WWOX: variants seen among roughly 807,000 people sequenced by gnomAD.
WWOX encodes WW domain containing oxidoreductase, also known as WW domain-containing oxidoreductase.
A neutral mutation model predicts 46.2 loss-of-function variants in WWOX; 69 were observed. The observed-to-expected ratio is 1.49, with a 90% CI of 1.23 to 1.82. The LOEUF is 1.82. Among genes scored for constraint, WWOX ranks in the 40% most tolerant of loss-of-function variants. The pLI is 0.00. For synonymous variants in WWOX, 359 were observed against 202.6 expected, an observed-to-expected ratio of 1.77 and a Z score of -6.56; for missense variants, 919 against 542.6, an observed-to-expected ratio of 1.69 and a Z score of -6.89.
At chr16:78,840,442 G>C (rs1278444756) in intron 8 of WWOX, among the ~76,000 whole-genome samples, 1 of 152,196 alleles carries the variant, frequency 6.6e-6, no homozygotes, top group Non-Finnish European at 1.5e-5. Flanking sequence ...CTGCAGCACA[G>C]TTACAATGAA....
chr16:79,051,179 T>A (rs899802603), intron 8 of WWOX, among the ~76,000 whole-genome samples: 1 of 152,172 alleles, frequency 6.6e-6, no homozygotes, highest in Admixed American at 6.5e-5. Context: ...AGTTGGAGCC[T>A]GTTGGGAGAA....
chr16:78,968,057 C>G (rs1402820863), intron 8 of WWOX, among the ~76,000 whole-genome samples: 1 of 152,036 alleles, frequency 6.6e-6, no homozygotes, highest in Non-Finnish European at 1.5e-5. Flanking sequence ...GTCTGCATGG[C>G]ACAGTGTGTG....
intron 8 of WWOX, among the ~76,000 whole-genome samples, chr16:79,010,837 G>T (rs1017241352): frequency 1.8e-4 from 27 of 151,908 alleles, no homozygotes; most frequent in Admixed American, 6.6e-5. Flanking sequence ...TTCAGTGACA[G>T]TCTGGTGGCC....
At chr16:79,117,536 A>T (rs1203948273) in intron 8 of WWOX, among the ~76,000 whole-genome samples, 1 of 152,232 alleles carries the variant, frequency 6.6e-6, no homozygotes, top group Non-Finnish European at 1.5e-5. Context: ...AGCAGGGAAG[A>T]GAGTCAGCCT....
intron 8 of WWOX, among the ~76,000 whole-genome samples, chr16:78,843,437 C>T (rs2052213893): frequency 6.7e-6 from 1 of 149,876 alleles, no homozygotes; most frequent in African/African-American, 2.4e-5. Flanking sequence ...GATGCGAATG[C>T]CCAGCTCAGG....
chr16:78,836,419 C>T (rs1567594173), intron 8 of WWOX, among the ~76,000 whole-genome samples: 1 of 152,196 alleles, frequency 6.6e-6, no homozygotes, highest in Admixed American at 6.5e-5. Context: ...TCTCCTGAAA[C>T]TTATTCCCGC....
intron 8 of WWOX, among the ~76,000 whole-genome samples, chr16:78,777,626 T>TTGC (rs1364915475): frequency 6.6e-6 from 1 of 152,078 alleles, no homozygotes; most frequent in Admixed American, 6.6e-5. Flanking sequence ...AAGCTAATTT[T>TTGC]TGCAATAGTC....
At chr16:78,833,459 A>G (rs1024935513) in intron 8 of WWOX, among the ~76,000 whole-genome samples, 11 of 151,194 alleles carry the variant, frequency 7.3e-5, no homozygotes, top group African/African-American at 2.4e-4. Flanking sequence ...CCTGCTTTCT[A>G]TTCTCCTTCC....
intron 5 of WWOX, among the ~76,000 whole-genome samples, chr16:78,218,362 C>T (rs1428098653): frequency 6.6e-6 from 1 of 152,076 alleles, no homozygotes; most frequent in Non-Finnish European, 1.5e-5. Context: ...GCTGGGATTA[C>T]AAGCCTGAGC....
At chr16:78,877,595 T>C (rs1474630963) in intron 8 of WWOX, among the ~76,000 whole-genome samples, 5 of 152,208 alleles carry the variant, frequency 3.3e-5, no homozygotes, top group Non-Finnish European at 5.9e-5. Flanking sequence ...TTATATCACA[T>C]AGATACAGAC....
chr16:79,197,023 A>G (rs1359010822), intron 8 of WWOX, among the ~76,000 whole-genome samples: 2 of 152,188 alleles, frequency 1.3e-5, no homozygotes, highest in Non-Finnish European at 2.9e-5. Flanking sequence ...CAACGTTTCT[A>G]GAATGATATT....
At chr16:78,336,932 C>T (rs1257555353) in intron 5 of WWOX, among the ~76,000 whole-genome samples, 1 of 152,054 alleles carries the variant, frequency 6.6e-6, no homozygotes, top group African/African-American at 2.4e-5. Flanking sequence ...GCGCCCGCCA[C>T]CATGCCCGGC....
intron 8 of WWOX, among the ~76,000 whole-genome samples, chr16:78,881,306 G>C (rs539492510): frequency 1.3e-5 from 2 of 152,104 alleles, no homozygotes; most frequent in Admixed American, 1.3e-4. Context: ...GCCTGGCCCT[G>C]GTAAAATTTT....
chr16:78,909,509 C>T lies in WWOX; in HGVS notation c.1057-302099C>T, dbSNP rs188397157. Reference sequence around the variant, plus strand: ...CCTGAAAAGTGTGCACGGTTGGCCTCCTCTAGGTCCCACGTGCCTTCTGGA... The same window carrying T: ...CCTGAAAAGTGTGCACGGTTGGCCTTCTCTAGGTCCCACGTGCCTTCTGGA... On this transcript the variant is annotated intron_variant, in intron 8 of 8. Coordinates refer to ENST00000566780, the MANE Select transcript of WWOX (RefSeq NM_016373.4). Among the ~76,000 whole-genome samples, 366 of 152,290 alleles carry T rather than the reference C, an allele frequency of 2.4e-3. 8 individuals carry two copies. Among genetic ancestry groups the T allele is most frequent in the Admixed American group, 0.022 (333 of 15,302 alleles).
chr16:78,358,078 G>A (rs1414658365), intron 5 of WWOX, among the ~76,000 whole-genome samples: 5 of 152,234 alleles, frequency 3.3e-5, no homozygotes, highest in African/African-American at 7.2e-5. Flanking sequence ...CATACACTTG[G>A]AACTAGTTCT....
chr16:78,624,656 A>G (rs576378106), intron 8 of WWOX, among the ~76,000 whole-genome samples: 1 of 152,272 alleles, frequency 6.6e-6, no homozygotes, highest in African/African-American at 2.4e-5. Context: ...GAGAAGGGGG[A>G]AAAAACCCTC....
At chr16:78,328,533 G>C (rs747904354) in intron 5 of WWOX, among the ~76,000 whole-genome samples, 1 of 152,116 alleles carries the variant, frequency 6.6e-6, no homozygotes, top group Non-Finnish European at 1.5e-5. Context: ...TGCTGCAAAG[G>C]GTTAGTACTT....
intron 8 of WWOX, among the ~76,000 whole-genome samples, chr16:78,475,267 C>T (rs1449319131): frequency 1.3e-5 from 2 of 152,212 alleles, no homozygotes; most frequent in Non-Finnish European, 1.5e-5. Context: ...TCTTTATCTT[C>T]TCCTCCCTGT....
At chr16:79,162,310 CA>C (rs371358549) in intron 8 of WWOX, among the ~76,000 whole-genome samples, 330 of 152,312 alleles carry the variant, frequency 2.2e-3, no homozygotes, top group Middle Eastern at 0.02. Context: ...TTTACTTCTT[CA>C]AAGTACAGTT....
Sources: allele counts gnomAD v4.1 joint callset (sites outside exome capture counted in the v4.1 genomes callset), GRCh38; gene constraint gnomAD v4.1.1; transcripts MANE v1.5; gene names NCBI Gene and HGNC (gene_info 2026-07-23, HGNC 2026-07-21).